GNPTG: variants seen among roughly 807,000 people sequenced by gnomAD.
GNPTG encodes the protein N-acetylglucosamine-1-phosphate transferase subunit gamma, also known as N-acetylglucosamine-1-phosphotransferase subunit gamma.
In GNPTG, 46 loss-of-function variants were observed where a neutral mutation model predicts 43.8. The observed-to-expected ratio is 1.05, with a 90% CI of 0.83 to 1.34. GNPTG has a LOEUF of 1.34. Ranked by LOEUF, GNPTG falls within the 40% of genes most tolerant of loss-of-function variation. The probability of loss-of-function intolerance (pLI) is 0.00; values close to 1 mark genes in which losing one functional copy is unlikely to be tolerated. For synonymous variants in GNPTG, 250 were observed against 172.8 expected (o/e 1.45, Z -3.50); for missense variants, 549 against 411.3 (o/e 1.33, Z -2.90).
At position 1,357,522 on chromosome 16, in the gene GNPTG, CGCTGTGTCGCCCAGGCTGGAGT is replaced by C. The variant is rs553469792; in HGVS notation, c.179-4196_179-4175del. ...TATTATTATTATTAGAGCCGAGTGT[CGCTGTGTCGCCCAGGCTGGAGT>C]GCTGTGTCGCCCAGGCTGGAGTGCA... On this transcript the variant is annotated intron_variant, in intron 3 of 10. Transcript: ENST00000204679. 6.3e-3 allele frequency among the ~76,000 whole-genome samples: 954 copies of C among 150,656 alleles called. 12 individuals are homozygous for C. Among genetic ancestry groups the C allele is most frequent in the South Asian group, 0.015 (72 of 4,746 alleles).
At chr16:1,358,769 T>C (rs945031985) in intron 3 of GNPTG, 4 of 152,182 alleles carry the variant, frequency 2.6e-5, no homozygotes, top group Admixed American at 6.5e-5. Flanking sequence ...CTAACAGCCA[T>C]CCTAGTGGGT....
chr16:1,352,396 C>T, intron 3 of GNPTG, 90 bp downstream of exon 3: 2 of 1,289,144 alleles, frequency 1.6e-6, no homozygotes, highest in Admixed American at 2.0e-5. Context: ...GAGTTACGGC[C>T]CGGAGTCTAA....
chr16:1,359,560 G>A (rs544722112), intron 3 of GNPTG, among the ~76,000 whole-genome samples: 6 of 152,232 alleles, frequency 3.9e-5, no homozygotes, highest in Non-Finnish European at 7.4e-5. Flanking sequence ...GAGACCCTGC[G>A]CCCGGCCTCT....
intron 3 of GNPTG, chr16:1,352,604 T>C (rs1411643912): frequency 2.3e-5 from 10 of 432,160 alleles, no homozygotes; most frequent in African/African-American, 8.1e-5. Context: ...GGAAAACGTA[T>C]AGTTTTTGTA....
Position 1,363,003 on chromosome 16 carries a change from C to A in GNPTG, c.830C>A (p.Ser277Tyr), listed in dbSNP as rs757687560. 1.2e-6 allele frequency: 2 copies of A among 1,614,062 alleles called. No homozygotes were observed. Among genetic ancestry groups the A allele is most frequent in the South Asian group, 1.1e-5 (1 of 91,082 alleles). The change falls in exon 11 of 11, where the codon TCC becomes TAC. Residue 277 changes from serine (S) to tyrosine (Y), a missense_variant. Physicochemically the swap from Ser to Tyr is moderately radical, Grantham distance 144 (BLOSUM62 -2). Coordinates refer to ENST00000204679, the MANE Select transcript of GNPTG (RefSeq NM_032520.5). ...CCACCTGGTGTTTTGGCAGAAACTT[C>A]CAACTTGGAGCACTTGGGCCACGAG... is the stretch of plus-strand genomic sequence containing the variant. ...GIPYTRPTET[S>Y]NLEHLGHETP...
At chr16:1,361,698 G>A in intron 3 of GNPTG, 45 bp from the exon 4 acceptor site, 1 of 1,606,036 alleles carries the variant, frequency 6.2e-7, no homozygotes, top group Admixed American at 1.7e-5. Context: ...TTTGCAGACA[G>A]GTTCTGTGCT....
chr16:1,356,967 G>A (rs924336132), intron 3 of GNPTG, among the ~76,000 whole-genome samples: 1 of 151,918 alleles, frequency 6.6e-6, no homozygotes, highest in Non-Finnish European at 1.5e-5. Context: ...CTGCGGGCAG[G>A]AGTCTGAGTG....
intron 3 of GNPTG, among the ~76,000 whole-genome samples, chr16:1,357,440 A>G (rs6600137): frequency 0.92 from 140,745 of 152,276 alleles, 65,153 homozygotes; most frequent in East Asian, 1. Context: ...GGCTGGCCAG[A>G]TTCCCAGGGA....
chr16:1,352,066 C>G (rs1020962323), intron 1 of GNPTG, 36 bp from the exon 2 acceptor site: 8 of 1,540,540 alleles, frequency 5.2e-6, no homozygotes, highest in Admixed American at 2.0e-5. Context: ...GCGCTCTGCA[C>G]CCCGGCCTCC....
At chr16:1,354,174 TG>T (rs1253181274) in intron 3 of GNPTG, among the ~76,000 whole-genome samples, 2 of 109,902 alleles carry the variant, frequency 1.8e-5, no homozygotes, top group African/African-American at 7.2e-5. Context: ...CCCAAGAAGC[TG>T]GGGAGGAGGC....
Position 1,362,759 on chromosome 16 carries a change from A to AGGT in GNPTG, c.741+23_741+25dup, listed in dbSNP as rs969101852. The AGGT allele has an allele frequency of 2.5e-6, 4 of 1,613,798 alleles. No homozygotes were observed. The African/African-American group carries it at 4.0e-5, about 16-fold the overall frequency. ...TGCAGGAAGGTACCGTATTGGGGGG[A>AGGT]GGTGGTGGCACGCAGTAGCCCTCCA... On this transcript the variant is annotated intron_variant, in intron 9 of 10. Coordinates refer to ENST00000204679, the MANE Select transcript of GNPTG (RefSeq NM_032520.5).
At chr16:1,360,230 T>C (rs546271811) in intron 3 of GNPTG, among the ~76,000 whole-genome samples, 6 of 152,364 alleles carry the variant, frequency 3.9e-5, no homozygotes, top group Admixed American at 3.9e-4. Context: ...AACATCTTTG[T>C]CTCTTAAAAT....
At chr16:1,354,585 C>CAAAAAAAAAAAAAAAAAA (rs869067502) in intron 3 of GNPTG, among the ~76,000 whole-genome samples, 27 of 44,362 alleles carry the variant, frequency 6.1e-4, no homozygotes, top group East Asian at 3.2e-3. Flanking sequence ...GACTTCGTCT[C>CAAAAAAAAAAAAAAAAAA]AAAAAAAAAA....
intron 3 of GNPTG, among the ~76,000 whole-genome samples, chr16:1,357,241 T>C (rs74002210): frequency 0.018 from 2,750 of 152,274 alleles, 99 homozygotes; most frequent in African/African-American, 0.063. Context: ...CCCTGTCCCC[T>C]GAGCAGGGCA....
chr16:1,353,834 C>T (rs2034726447), intron 3 of GNPTG, among the ~76,000 whole-genome samples: 1 of 152,084 alleles, frequency 6.6e-6, no homozygotes, highest in South Asian at 2.1e-4. Context: ...ACATTTCAGC[C>T]AAAAGCTAAA....
At chr16:1,353,285 TTTA>T (rs1166497602) in intron 3 of GNPTG, among the ~76,000 whole-genome samples, 1 of 152,180 alleles carries the variant, frequency 6.6e-6, no homozygotes, top group African/African-American at 2.4e-5. Context: ...CTTTAGTAAT[TTTA>T]TTATCGAATA....
chr16:1,361,553 A>G (rs1596612070), intron 3 of GNPTG, 190 bp from the exon 4 acceptor site: 4 of 605,482 alleles, frequency 6.6e-6, no homozygotes, highest in Middle Eastern at 4.5e-4. Flanking sequence ...CTGAGGCAGG[A>G]GAATGGCGTG....
intron 3 of GNPTG, among the ~76,000 whole-genome samples, chr16:1,359,718 A>G (rs955294654): frequency 1.3e-5 from 2 of 152,010 alleles, no homozygotes; most frequent in African/African-American, 2.4e-5. Context: ...GAACTTTAGG[A>G]TGTGTTTTTC....
intron 3 of GNPTG, chr16:1,358,193 TC>T (rs11358562): frequency 0.087 from 13,181 of 152,030 alleles, 769 homozygotes; most frequent in Admixed American, 0.13. Flanking sequence ...CCTTCCCTCT[TC>T]CCCCAGGCGC....
Sources: allele counts gnomAD v4.1 joint callset (sites outside exome capture counted in the v4.1 genomes callset), GRCh38; gene constraint gnomAD v4.1.1; transcripts MANE v1.5; gene names NCBI Gene and HGNC (gene_info 2026-07-23, HGNC 2026-07-21).